FRMPD2: variants seen among roughly 807,000 people sequenced by gnomAD.
The protein encoded by FRMPD2 is FERM and PDZ domain containing 2.
A neutral mutation model predicts 140.1 loss-of-function variants in FRMPD2; 96 were observed. The ratio of observed to expected loss-of-function variants is 0.69; its 90% CI spans 0.58 to 0.81. The LOEUF is 0.81. FRMPD2 is among the 40% of genes least tolerant of loss of function. The pLI, the probability that FRMPD2 is intolerant of heterozygous loss-of-function variation, is 0.00. For missense variants in FRMPD2, 1,240 were observed against 1,447.4 expected (o/e 0.86, Z 2.32); for synonymous variants, 449 against 547.6 (o/e 0.82, Z 2.52).
In FRMPD2 at chr10:48,238,005, G is replaced by C; in HGVS notation, c.907C>G (p.Gln303Glu). Reference sequence around the variant, plus strand: ...ATTTTGCTTACCTTGCTCCTTCTTTGCAGAAAACCCCTCTGAGAAGGAGTT... The same window carrying C: ...ATTTTGCTTACCTTGCTCCTTCTTTCCAGAAAACCCCTCTGAGAAGGAGTT... ...PTTPSQRGFL[Q>E]RRSKFSRPEF... is the part of the protein sequence containing the mutation. Residue 303 changes from glutamine to glutamate, a missense_variant, in exon 8 of 29, where the codon CAA (glutamine) becomes GAA (glutamate). This residue lies in a region of FRMPD2 where 1,161 missense variants were observed against 1,055.9 expected (regional missense o/e 1.10). Coordinates refer to ENST00000374201, the MANE Select transcript of FRMPD2 (RefSeq NM_001018071.4). 2 of 1,614,114 alleles carry C rather than the reference G, an allele frequency of 1.2e-6. No individual in the cohort carries two copies. Among genetic ancestry groups the C allele is most frequent in the Middle Eastern group, 1.6e-4 (1 of 6,062 alleles).
At chr10:48,209,775 G>C (rs1248678667) in intron 13 of FRMPD2, among the ~76,000 whole-genome samples, 3 of 152,174 alleles carry the variant, frequency 2.0e-5, no homozygotes, top group African/African-American at 7.2e-5. Context: ...CTATCCCTAA[G>C]GAATGAAGCA....
At chr10:48,206,077 C>G (rs1384583559) in intron 14 of FRMPD2, among the ~76,000 whole-genome samples, 3 of 152,144 alleles carry the variant, frequency 2.0e-5, no homozygotes, top group African/African-American at 4.8e-5. Context: ...AAAACAACCA[C>G]AGGACAGGCA....
At chr10:48,191,332 C>T (rs923876382) in intron 16 of FRMPD2, among the ~76,000 whole-genome samples, 1 of 152,132 alleles carries the variant, frequency 6.6e-6, no homozygotes, top group Non-Finnish European at 1.5e-5. Flanking sequence ...CCAGACAATA[C>T]CACATGAAAC....
chr10:48,215,096 T>C (rs1166458436), intron 12 of FRMPD2, among the ~76,000 whole-genome samples: 1 of 152,260 alleles, frequency 6.6e-6, no homozygotes, highest in Non-Finnish European at 1.5e-5. Context: ...GCAAATGTAA[T>C]CATGTTGCTT....
At chr10:48,258,337 T>C (rs927840099) in intron 1 of FRMPD2, among the ~76,000 whole-genome samples, 6 of 152,238 alleles carry the variant, frequency 3.9e-5, no homozygotes, top group Admixed American at 3.9e-4. Flanking sequence ...GAGCCTGACC[T>C]TGAGTGAGTG....
At chr10:48,193,056 C>T in intron 15 of FRMPD2, 162 bp from the exon 16 acceptor site, 1 of 618,316 alleles carries the variant, frequency 1.6e-6, no homozygotes, top group East Asian at 2.7e-5. Flanking sequence ...TGCAAGGTCT[C>T]CTAATTAGCA....
At chr10:48,222,212 A>G (rs189245705) in intron 12 of FRMPD2, 101 bp downstream of exon 12, 9 of 1,223,574 alleles carry the variant, frequency 7.4e-6, no homozygotes, top group Admixed American at 6.9e-5. Context: ...GTAGATGCTA[A>G]CAATACTCAA....
intron 1 of FRMPD2, among the ~76,000 whole-genome samples, chr10:48,253,694 A>G (rs539887222): frequency 6.6e-6 from 1 of 152,338 alleles, no homozygotes; most frequent in African/African-American, 2.4e-5. Context: ...TCCCTCCGAG[A>G]AATCCTAATG....
chr10:48,236,408 A>C (rs1226147552), intron 9 of FRMPD2, 74 bp downstream of exon 9: 2 of 1,276,008 alleles, frequency 1.6e-6, no homozygotes, highest in Non-Finnish European at 2.3e-6. Flanking sequence ...CCCCATTCAG[A>C]CACAATTGGC....
intron 5 of FRMPD2, among the ~76,000 whole-genome samples, chr10:48,241,281 C>T (rs1320194221): frequency 6.6e-6 from 1 of 152,206 alleles, no homozygotes; most frequent in Non-Finnish European, 1.5e-5. Flanking sequence ...ATTAATCCTG[C>T]TCTCAGCTCT....
At chr10:48,227,089 G>C (rs1282731605) in intron 10 of FRMPD2, among the ~76,000 whole-genome samples, 1 of 152,178 alleles carries the variant, frequency 6.6e-6, no homozygotes, top group African/African-American at 2.4e-5. Flanking sequence ...ATAGTGCCTA[G>C]CTAAGAGAAG....
chr10:48,240,519 A>T (rs763299204), intron 5 of FRMPD2, 27 bp from the exon 6 acceptor site: 7 of 1,612,384 alleles, frequency 4.3e-6, no homozygotes, highest in Non-Finnish European at 5.9e-6. Context: ...TCACACATCC[A>T]CATCCCAAGA....
chr10:48,207,058 G>T, intron 13 of FRMPD2, 125 bp from the exon 14 acceptor site: 2 of 806,560 alleles, frequency 2.5e-6, no homozygotes, highest in Non-Finnish European at 3.7e-6. Context: ...GAATTGTCAT[G>T]TAAGTTTAGG....
intron 1 of FRMPD2, among the ~76,000 whole-genome samples, chr10:48,263,769 C>T (rs1840636058): frequency 6.6e-6 from 1 of 152,088 alleles, no homozygotes; most frequent in Admixed American, 6.5e-5. Flanking sequence ...AAAATAGAAG[C>T]AGAGGGAACA....
At chr10:48,241,742 A>G (rs1156497816) in intron 5 of FRMPD2, among the ~76,000 whole-genome samples, 1 of 152,230 alleles carries the variant, frequency 6.6e-6, no homozygotes, top group Non-Finnish European at 1.5e-5. Flanking sequence ...GGTATAAAAT[A>G]GCAGAGGGGA....
At chr10:48,190,970 T>C (rs1212038554) in intron 16 of FRMPD2, among the ~76,000 whole-genome samples, 5 of 152,178 alleles carry the variant, frequency 3.3e-5, no homozygotes, top group Admixed American at 6.5e-5. Flanking sequence ...ATTAGTTGGG[T>C]GACAAATGAA....
At chr10:48,211,928 C>T (rs1009930414) in intron 13 of FRMPD2, 26 bp downstream of exon 13, 28 of 1,607,462 alleles carry the variant, frequency 1.7e-5, no homozygotes, top group Non-Finnish European at 2.1e-5. Context: ...AGACCAACAC[C>T]TCTCTCCAGG....
chr10:48,164,460 TC>T (rs1445861268), intron 27 of FRMPD2, among the ~76,000 whole-genome samples: 2 of 149,766 alleles, frequency 1.3e-5, no homozygotes, highest in African/African-American at 5.0e-5. Context: ...AAAATTATCT[TC>T]CAGCACTTCC....
rs753412859 is a variant in FRMPD2, at chr10:48,201,280, C to G, written c.1902G>C (p.Gln634His). 4 of 1,613,648 alleles carry G rather than the reference C, an allele frequency of 2.5e-6. No individual in the cohort carries two copies. Among genetic ancestry groups the G allele is most frequent in the Admixed American group, 1.7e-5 (1 of 59,968 alleles). The change falls in exon 15 of 29, where the codon CAG becomes CAC. Residue 634 changes from glutamine (Q) to histidine (H), a missense_variant. Gln to His is a conservative substitution (Grantham distance 24). Around this residue, in one of 6 missense-constraint regions of FRMPD2, gnomAD observed 1,161 missense variants for 1,055.9 expected, o/e 1.10. Coordinates refer to ENST00000374201, the MANE Select transcript of FRMPD2 (RefSeq NM_001018071.4). Reference protein sequence around the residue: ...SKYLLDLCSAQHGFNAQMGSG... With the variant: ...SKYLLDLCSAHHGFNAQMGSG... Reference sequence around the variant, plus strand: ...AGCCCATCTGTGCATTAAACCCATGCTGGGCTGAGCAGAGGTCCAGTAAGT... The same window carrying G: ...AGCCCATCTGTGCATTAAACCCATGGTGGGCTGAGCAGAGGTCCAGTAAGT...
Sources: gnomAD v4.1 joint callset for allele counts (sites outside exome capture counted in the v4.1 genomes callset) on GRCh38, gnomAD v4.1.1 for gene constraint, gnomAD v4.1.1 regional missense constraint, MANE v1.5 for transcripts, NCBI Gene and HGNC (gene_info 2026-07-23, HGNC 2026-07-21) for gene names.